Variants in VEGFA observed in about 807,000 individuals in gnomAD.
VEGFA encodes the protein vascular endothelial growth factor A, long form.
VEGFA carries 20 observed loss-of-function variants against 49.7 expected under a neutral mutation model. That is an observed-to-expected ratio of 0.40 (90% CI 0.28 to 0.58). VEGFA has a LOEUF of 0.58. Ranked by LOEUF, VEGFA falls within the 20% of genes least tolerant of loss-of-function variation. The probability of loss-of-function intolerance (pLI) is 0.40; values close to 1 mark genes in which losing one functional copy is unlikely to be tolerated. For missense variants in VEGFA, 505 were observed against 553.5 expected (o/e 0.91, Z 0.88); for synonymous variants, 219 against 223.4 (o/e 0.98, Z 0.18).
In VEGFA at chr6:43,777,168, T is replaced by C; in HGVS notation, c.659-301T>C. Reference sequence around the variant, plus strand: ...CTCAGACTGTCCTCTGGCATCGAGGTTGGCCCAGGATTCAGTTCAGCTGTC... The same window carrying C: ...CTCAGACTGTCCTCTGGCATCGAGGCTGGCCCAGGATTCAGTTCAGCTGTC... On this transcript the variant is annotated intron_variant, in intron 2 of 7. Coordinates refer to ENST00000672860, the MANE Select transcript of VEGFA (RefSeq NM_003376.6). The surrounding 1 kb of genome is among the most constrained non-coding windows in gnomAD (Gnocchi z 4.3). The C allele has an allele frequency of 2.1e-6, 1 of 471,830 alleles. No homozygotes were observed. Among genetic ancestry groups the C allele is most frequent in the African/African-American group, 2.0e-5 (1 of 51,236 alleles). 29.2% of individuals were successfully genotyped at this position (471,830 alleles called of 1,614,324 possible). A position where few individuals can be genotyped will look rare whatever the true frequency, so the allele number is the denominator to read the frequency against.
rs566401743 is a variant in VEGFA, at chr6:43,771,246, C to T, written c.540C>T (p.Thr180=). The stretch of plus-strand genomic sequence containing the variant: ...CCGGCCCCGGTCGGGCCTCCGAAAC[C>T]ATGAACTTTCTGCTGTCTTGGGTGC... The change falls in exon 1 of 8, where the codon ACC becomes ACT. Residue 180 remains threonine (T), a synonymous_variant. Coordinates refer to ENST00000672860, the MANE Select transcript of VEGFA (RefSeq NM_003376.6). 7.5e-6 allele frequency: 12 copies of T among 1,607,412 alleles called. No individual in the cohort carries two copies. The Admixed American group carries it at 1.0e-4, about 13-fold the overall frequency.
chr6:43,771,998 C>A (rs1582467405), intron 1 of VEGFA: 3 of 985,294 alleles, frequency 3.0e-6, no homozygotes, highest in South Asian at 4.7e-5. Context: ...CCGGGCCTGG[C>A]CGGCCGCGTG....
chr6:43,778,966 C>T (rs1339726881), intron 5 of VEGFA, 48 bp downstream of exon 5: 1 of 1,613,316 alleles, frequency 6.2e-7, no homozygotes, highest in East Asian at 2.2e-5. Flanking sequence ...GGCCGGTTGT[C>T]TTGGTTTGGG....
rs1338721383 is a variant in VEGFA at position 43,785,381 on chromosome 6, G to A, written c.*819G>A. 1.4e-5 allele frequency: 3 copies of A among 217,878 alleles called. No homozygotes were observed. In the East Asian group the frequency reaches 2.0e-4, roughly 15 times the overall value. The allele number at this position is 217,878 out of a possible 1,614,324, so 13.5% of individuals were successfully genotyped here. On this transcript the variant is annotated 3_prime_UTR_variant, in exon 8 of 8. Coordinates refer to ENST00000672860, the MANE Select transcript of VEGFA (RefSeq NM_003376.6). ...GCTTTGGGGATTCCCTCCACATGCT[G>A]CACGCGCATCTCGCCCCCAGGGGCA...
At position 43,770,628 on chromosome 6, in the gene VEGFA, G is replaced by T; in HGVS notation, c.-79G>T. The T allele has an allele frequency of 1.4e-6, 2 of 1,471,416 alleles. No homozygotes were observed. The highest frequency in any genetic ancestry group is 1.3e-5 in the South Asian group (1 of 75,174). 91.1% of individuals were successfully genotyped at this position (1,471,416 alleles called of 1,614,324 possible). On this transcript the variant is annotated 5_prime_UTR_variant, in exon 1 of 8. Transcript: ENST00000672860. ...GCAGCGAAAGCGACAGGGGCAAAGTGAGTGACCTGCTTTTGGGGGTGACCG... is the reference window on the plus strand; with the variant it reads ...GCAGCGAAAGCGACAGGGGCAAAGTTAGTGACCTGCTTTTGGGGGTGACCG...
At chr6:43,775,747 G>C (rs1330080160) in intron 2 of VEGFA, 1 of 152,186 alleles carries the variant, frequency 6.6e-6, no homozygotes, top group East Asian at 1.9e-4. Context: ...CACTCTTTTT[G>C]ATGATGCTTT....
rs1265834224 is a variant in VEGFA at position 43,770,907 on chromosome 6, C to G, written c.201C>G (p.Ala67=). ...TGGGCTGTTCTCGCTTCGGAGGAGC[C>G]GTGGTCCGCGCGGGGGAAGCCGAGC... Residue 67 remains alanine (A), a synonymous_variant, in exon 1 of 8, where the codon GCC becomes GCG. Transcript: ENST00000672860. 13 of 1,544,444 alleles carry G rather than the reference C, an allele frequency of 8.4e-6. No individual in the cohort carries two copies. Among genetic ancestry groups the G allele is most frequent in the Non-Finnish European group, 1.1e-5 (13 of 1,145,444 alleles).
chr6:43,780,709 GTC>G (rs761621081), intron 5 of VEGFA, 21 bp from the exon 6 acceptor site: 28 of 1,604,026 alleles, frequency 1.7e-5, no homozygotes, highest in Middle Eastern at 3.3e-4. Context: ...CTCTCTCTCT[GTC>G]TCTGTTTTTT....
intron 7 of VEGFA, 127 bp from the exon 8 acceptor site, chr6:43,784,414 T>A: frequency 1.1e-6 from 1 of 911,328 alleles, no homozygotes; most frequent in Non-Finnish European, 1.9e-6. Flanking sequence ...CTTCCTGTCC[T>A]CTCTGCTCTT....
rs573904496 is a variant in VEGFA, at chr6:43,779,143, G to T, written c.962+225G>T. The T allele has an allele frequency of 1.1e-3, 683 of 621,282 alleles. 1 individual carries two copies. Among genetic ancestry groups the T allele is most frequent in the Non-Finnish European group, 1.6e-3 (572 of 349,980 alleles). The allele number at this position is 621,282 out of a possible 1,614,324, so 38.5% of individuals were successfully genotyped here. A position where few individuals can be genotyped will look rare whatever the true frequency, so the allele number is the denominator to read the frequency against. On this transcript the variant is annotated intron_variant, in intron 5 of 7. Coordinates refer to ENST00000672860, the MANE Select transcript of VEGFA (RefSeq NM_003376.6). ...AGGAGCCTGGCACTTCCTTTGGAAG[G>T]GACAATGCCTTCTGGGTCTCCAGAT...
Position 43,786,415 on chromosome 6 carries a change from C to T in VEGFA, c.*1853C>T, listed in dbSNP as rs1417734801. On this transcript the variant is annotated 3_prime_UTR_variant, in exon 8 of 8. Transcript: ENST00000672860. ...GTAGTACATATTTATTTTTAAACAA[C>T]GACAAAGAAATACAGATATATCTTA... is the stretch of plus-strand genomic sequence containing the variant. The T allele has an allele frequency of 2.3e-5, 4 of 171,028 alleles. No individual in the cohort carries two copies. In the East Asian group the frequency reaches 3.2e-4, roughly 13 times the overall value. 10.6% of individuals were successfully genotyped at this position (171,028 alleles called of 1,614,324 possible).
chr6:43,781,851 T>C, intron 6 of VEGFA, 105 bp from the exon 7 acceptor site: 2 of 1,433,504 alleles, frequency 1.4e-6, no homozygotes, highest in Non-Finnish European at 1.9e-6. Context: ...ACCGGCTGGG[T>C]GGGGGTGCAG....
Position 43,773,691 on chromosome 6 carries a change from A to C in VEGFA, c.607-650A>C, listed in dbSNP as rs747302801. 2.6e-5 allele frequency: 4 copies of C among 155,324 alleles called. No individual in the cohort carries two copies. The highest frequency in any genetic ancestry group is 1.9e-4 in the Admixed American group (3 of 16,074). The allele number at this position is 155,324 out of a possible 1,614,324, so 9.6% of individuals were successfully genotyped here. A position where few individuals can be genotyped will look rare whatever the true frequency, so the allele number is the denominator to read the frequency against. ...GGAAATCTATTGAGGCTCTGGAGAGATTTGTGTAGAGAGGAAAATGTGGTT... is the reference window on the plus strand; with the variant it reads ...GGAAATCTATTGAGGCTCTGGAGAGCTTTGTGTAGAGAGGAAAATGTGGTT... On this transcript the variant is annotated intron_variant, in intron 1 of 7. Transcript: ENST00000672860. This position sits in a 1 kb window ranked among gnomAD's most constrained non-coding sequence, Gnocchi z 5.6.
Position 43,777,711 on chromosome 6 carries a change from G to GCCCCCCCCCCCCCCCC in VEGFA, c.855+46_855+47insCCCCCCCCCCCCCCCC. On this transcript the variant is annotated intron_variant, in intron 3 of 7. Coordinates refer to ENST00000672860, the MANE Select transcript of VEGFA (RefSeq NM_003376.6). The surrounding 1 kb of genome is among the most constrained non-coding windows in gnomAD (Gnocchi z 4.3). The stretch of plus-strand genomic sequence containing the variant: ...GGGCAAGGGGGGGATAGGGAGGGGG[G>GCCCCCCCCCCCCCCCC]TAACACTTTGGGAACAGGTGGTCCC... The GCCCCCCCCCCCCCCCC allele has an allele frequency of 1.7e-6, 1 of 588,466 alleles. No individual in the cohort carries two copies. Among genetic ancestry groups the GCCCCCCCCCCCCCCCC allele is most frequent in the Non-Finnish European group, 3.2e-6 (1 of 314,252 alleles). The allele number at this position is 588,466 out of a possible 1,614,324, so 36.5% of individuals were successfully genotyped here. A position where few individuals can be genotyped will look rare whatever the true frequency, so the allele number is the denominator to read the frequency against.
At chr6:43,782,140 G>A (rs1483413953) in intron 7 of VEGFA, 53 bp downstream of exon 7, 21 of 1,552,842 alleles carry the variant, frequency 1.4e-5, no homozygotes, top group Non-Finnish European at 1.8e-5. Flanking sequence ...CAGAGATGGG[G>A]AGAGAGAGAG....
chr6:43,770,628 G>GA lies in VEGFA; in HGVS notation c.-78dup. ...GCAGCGAAAGCGACAGGGGCAAAGT[G>GA]AGTGACCTGCTTTTGGGGGTGACCG... On this transcript the variant is annotated 5_prime_UTR_variant, in exon 1 of 8. Transcript: ENST00000672860. The GA allele has an allele frequency of 6.8e-7, 1 of 1,471,416 alleles. No individual in the cohort carries two copies. Among genetic ancestry groups the GA allele is most frequent in the Non-Finnish European group, 8.9e-7 (1 of 1,121,020 alleles). 91.1% of individuals were successfully genotyped at this position (1,471,416 alleles called of 1,614,324 possible).
rs1763324580 is a variant in VEGFA, at chr6:43,770,900, G to A, written c.194G>A (p.Gly65Glu). Residue 65 changes from glycine (G) to glutamate (E), a missense_variant, in exon 1 of 8, where the codon GGA (glycine) becomes GAA (glutamate). Gly to Glu is a moderately conservative substitution (Grantham distance 98). This residue lies in a region of VEGFA where 340 missense variants were observed against 321.8 expected (regional missense o/e 1.06). Transcript: ENST00000672860. ...CAACTTCTGGGCTGTTCTCGCTTCG[G>A]AGGAGCCGTGGTCCGCGCGGGGGAA... 3.9e-6 allele frequency: 6 copies of A among 1,544,894 alleles called. No individual in the cohort carries two copies. Among genetic ancestry groups the A allele is most frequent in the Non-Finnish European group, 5.2e-6 (6 of 1,145,600 alleles).
chr6:43,778,702 C>A, intron 4 of VEGFA, 166 bp downstream of exon 4: 1 of 976,412 alleles, frequency 1.0e-6, no homozygotes, highest in Non-Finnish European at 1.6e-6. Flanking sequence ...AAAATGGGCA[C>A]AATAGTAGTA....
intron 2 of VEGFA, chr6:43,776,812 G>A (rs1259343993): frequency 2.5e-5 from 4 of 161,982 alleles, no homozygotes; most frequent in Admixed American, 5.7e-5. Flanking sequence ...GGAACACTTT[G>A]ATGTCAGCTA....
Sources: allele counts gnomAD v4.1 joint callset, GRCh38; gene constraint gnomAD v4.1.1; regional missense constraint gnomAD v4.1.1; non-coding constraint Gnocchi (gnomAD v3.1); transcripts MANE v1.5; gene names NCBI Gene and HGNC (gene_info 2026-07-23, HGNC 2026-07-21).